Variants in GPC3 observed in about 807,000 individuals in gnomAD.
GPC3 encodes the protein glypican-3.
GPC3 carries 3 observed loss-of-function variants against 34.4 expected under a neutral mutation model. The observed-to-expected ratio is 0.09, with a 90% CI of 0.04 to 0.23. The LOEUF (loss-of-function observed/expected upper bound fraction) is 0.23, where lower values mean the gene tolerates loss of function less well. Among genes scored for constraint, GPC3 ranks in the 10% least tolerant of loss-of-function variants. The pLI, the probability that GPC3 is intolerant of heterozygous loss-of-function variation, is 1.00. For synonymous variants in GPC3, 177 were observed against 174.0 expected, an observed-to-expected ratio of 1.02 and a Z score of -0.13; for missense variants, 351 against 445.6, an observed-to-expected ratio of 0.79 and a Z score of 1.91.
intron 1 of GPC3, among the ~76,000 whole-genome samples, chrX:133,966,747 G>A (rs1174145047): frequency 1.2e-4 from 14 of 112,235 alleles, no homozygotes; most frequent in African/African-American, 4.5e-4. Flanking sequence ...CAGCTTATCC[G>A]AGTGTCTATA....
At chrX:133,893,653 C>T (rs2076098602) in intron 2 of GPC3, among the ~76,000 whole-genome samples, 1 of 110,888 alleles carries the variant, frequency 9.0e-6, no homozygotes, top group Non-Finnish European at 1.9e-5. Flanking sequence ...ACTGCACAAA[C>T]GAACTAACCC....
chrX:133,857,692 A>T (rs1326316807), intron 2 of GPC3, among the ~76,000 whole-genome samples: 1 of 112,098 alleles, frequency 8.9e-6, no homozygotes, highest in African/African-American at 3.2e-5. Flanking sequence ...GCACCAACAT[A>T]CAAATGAGCT....
At chrX:133,907,533 T>C (rs1033342857) in intron 2 of GPC3, among the ~76,000 whole-genome samples, 1 of 112,160 alleles carries the variant, frequency 8.9e-6, no homozygotes, top group Non-Finnish European at 1.9e-5. Context: ...TAGAATTTTA[T>C]CTATGTACAG....
chrX:133,792,204 T>C (rs2072172550), intron 2 of GPC3, among the ~76,000 whole-genome samples: 1 of 111,394 alleles, frequency 9.0e-6, no homozygotes, highest in Non-Finnish European at 1.9e-5. Flanking sequence ...TTATTTATTT[T>C]CTTGTTAGCC....
intron 3 of GPC3, among the ~76,000 whole-genome samples, chrX:133,700,635 G>A (rs375888178): frequency 1.8e-5 from 2 of 111,340 alleles, no homozygotes; most frequent in Admixed American, 9.6e-5. Flanking sequence ...CCAGCACTTC[G>A]GGAGGCTGAG....
intron 2 of GPC3, among the ~76,000 whole-genome samples, chrX:133,773,715 T>A (rs1346285853): frequency 8.9e-6 from 1 of 111,766 alleles, no homozygotes; most frequent in Non-Finnish European, 1.9e-5. Flanking sequence ...GGACCCTTCA[T>A]CTTTGGGTTC....
chrX:133,708,643 A>T (rs981195633), intron 3 of GPC3, among the ~76,000 whole-genome samples: 9 of 112,111 alleles, frequency 8.0e-5, no homozygotes, highest in Admixed American at 2.8e-4. Flanking sequence ...GAAACTATTT[A>T]AAAAAGAAAT....
chrX:133,920,813 T>C, intron 2 of GPC3, among the ~76,000 whole-genome samples: 1 of 111,837 alleles, frequency 8.9e-6, no homozygotes. Flanking sequence ...TACATAAGAG[T>C]TGCAAAATTA....
At chrX:133,937,154 G>A (rs2076326845) in intron 2 of GPC3, among the ~76,000 whole-genome samples, 1 of 110,656 alleles carries the variant, frequency 9.0e-6, no homozygotes, top group African/African-American at 3.3e-5. Context: ...GATTGCCCAA[G>A]GTCATCCAGT....
At chrX:133,554,248 G>A (rs942541481) in intron 7 of GPC3, among the ~76,000 whole-genome samples, 1 of 108,807 alleles carries the variant, frequency 9.2e-6, no homozygotes, top group African/African-American at 3.4e-5. Flanking sequence ...TCTTGACCTC[G>A]GGATCCACTC....
chrX:133,860,108 C>T (rs1041929416), intron 2 of GPC3, among the ~76,000 whole-genome samples: 2 of 111,844 alleles, frequency 1.8e-5, no homozygotes, highest in Non-Finnish European at 3.8e-5. Context: ...CCAGGCCCAA[C>T]TCTAACACGG....
intron 2 of GPC3, among the ~76,000 whole-genome samples, chrX:133,831,778 C>T (rs2075776404): frequency 8.9e-6 from 1 of 112,441 alleles, no homozygotes; most frequent in Non-Finnish European, 1.9e-5. Flanking sequence ...TAAAAATGGG[C>T]AAAAGATTTG....
At chrX:133,631,851 A>G (rs2070369619) in intron 6 of GPC3, among the ~76,000 whole-genome samples, 1 of 109,707 alleles carries the variant, frequency 9.1e-6, no homozygotes, top group African/African-American at 3.3e-5. Flanking sequence ...TGTGGTTTTA[A>G]CTTACATTTA....
At chrX:133,560,751 A>AAT (rs1218642436) in intron 7 of GPC3, among the ~76,000 whole-genome samples, 4 of 109,828 alleles carry the variant, frequency 3.6e-5, no homozygotes, top group Non-Finnish European at 7.6e-5. Flanking sequence ...AAAAAAAAAA[A>AAT]GTCCCTATTT....
intron 3 of GPC3, among the ~76,000 whole-genome samples, chrX:133,710,271 G>C (rs1034318672): frequency 1.8e-5 from 2 of 111,868 alleles, no homozygotes; most frequent in Admixed American, 9.5e-5. Flanking sequence ...TTGGAGTCAG[G>C]ATACCTGGGG....
At chrX:133,958,730 A>C (rs1228179439) in intron 1 of GPC3, among the ~76,000 whole-genome samples, 14 of 105,879 alleles carry the variant, frequency 1.3e-4, no homozygotes, top group African/African-American at 4.8e-4. Flanking sequence ...AAAACAAAAA[A>C]AAAAAACAGC....
intron 2 of GPC3, among the ~76,000 whole-genome samples, chrX:133,892,978 G>C (rs1326233766): frequency 1.8e-5 from 2 of 111,867 alleles, no homozygotes; most frequent in African/African-American, 6.5e-5. Flanking sequence ...CAGTCGGGCT[G>C]GGCACAGTGG....
At chrX:133,817,205 C>T (rs1320033559) in intron 2 of GPC3, among the ~76,000 whole-genome samples, 2 of 111,386 alleles carry the variant, frequency 1.8e-5, no homozygotes, top group African/African-American at 6.5e-5. Context: ...TTTATCCCTC[C>T]TCTCTTCTTC....
intron 7 of GPC3, among the ~76,000 whole-genome samples, chrX:133,558,842 G>T (rs961556472): frequency 9.3e-6 from 1 of 108,025 alleles, no homozygotes; most frequent in African/African-American, 3.4e-5. Context: ...GTGAGCCAAA[G>T]ATCACACCAC....
Sources: gnomAD v4.1 joint callset for allele counts (sites outside exome capture counted in the v4.1 genomes callset) on GRCh38, gnomAD v4.1.1 for gene constraint, MANE v1.5 for transcripts, NCBI Gene and HGNC (gene_info 2026-07-23, HGNC 2026-07-21) for gene names.